The following GLIS1 variants were observed in gnomAD, a reference collection of about 807,000 sequenced individuals.
The protein encoded by GLIS1 is zinc finger protein GLIS1.
A neutral mutation model predicts 63.8 loss-of-function variants in GLIS1; 24 were observed. That is an observed-to-expected ratio of 0.38 (90% confidence interval 0.27 to 0.53). GLIS1 has a LOEUF of 0.53. Among genes scored for constraint, GLIS1 ranks in the 20% least tolerant of loss-of-function variants. The pLI, the probability that GLIS1 is intolerant of heterozygous loss-of-function variation, is 0.85. For missense variants in GLIS1, 1,036 were observed against 1,074.1 expected, an observed-to-expected ratio of 0.96 and a Z score of 0.50; for synonymous variants, 450 against 482.5, an observed-to-expected ratio of 0.93 and a Z score of 0.88.
chr1:53,693,970 G>A (rs1229806944), intron 2 of GLIS1, among the ~76,000 whole-genome samples: 1 of 152,238 alleles, frequency 6.6e-6, no homozygotes, highest in African/African-American at 2.4e-5. Context: ...CTGAGCGCCT[G>A]CCTGGGCCAG....
intron 2 of GLIS1, among the ~76,000 whole-genome samples, chr1:53,705,065 G>T (rs1249308350): frequency 2.0e-5 from 3 of 152,196 alleles, no homozygotes; most frequent in Non-Finnish European, 4.4e-5. Context: ...AAAGAGTGAA[G>T]GAGGCATTTT....
At chr1:53,715,074 GT>G (rs1280435294) in intron 2 of GLIS1, among the ~76,000 whole-genome samples, 1 of 152,094 alleles carries the variant, frequency 6.6e-6, no homozygotes, top group Non-Finnish European at 1.5e-5. Context: ...ATGCCACCAG[GT>G]TCACTTAGTT....
chr1:53,705,264 G>A (rs1007425027), intron 2 of GLIS1, among the ~76,000 whole-genome samples: 3 of 152,126 alleles, frequency 2.0e-5, no homozygotes, highest in African/African-American at 4.8e-5. Context: ...ACCTCCTGGC[G>A]AGCGGCAGAT....
At chr1:53,723,748 C>T (rs1352480524) in intron 2 of GLIS1, among the ~76,000 whole-genome samples, 1 of 151,976 alleles carries the variant, frequency 6.6e-6, no homozygotes, top group Non-Finnish European at 1.5e-5. Flanking sequence ...ATAGTACTCA[C>T]GTGAGTGGGA....
chr1:53,514,615 G>C lies in GLIS1; in HGVS notation c.1883+10C>G. ...TTGCCCCTGGAGGAGGACTGGCCTG[G>C]TGTACATACCCATCCCGGGTGCTCT... On this transcript the variant is annotated intron_variant, in intron 8 of 10. Transcript: ENST00000628545. The C allele has an allele frequency of 6.2e-7, 1 of 1,612,120 alleles. No individual in the cohort carries two copies. Among genetic ancestry groups the C allele is most frequent in the Non-Finnish European group, 8.5e-7 (1 of 1,179,220 alleles).
At chr1:53,684,145 T>A (rs1470226546) in intron 2 of GLIS1, among the ~76,000 whole-genome samples, 1 of 152,052 alleles carries the variant, frequency 6.6e-6, no homozygotes, top group Non-Finnish European at 1.5e-5. Context: ...GGGGTGTCCA[T>A]GTCTCCCTCA....
chr1:53,558,958 A>G (rs1250590723), intron 4 of GLIS1, among the ~76,000 whole-genome samples: 1 of 152,212 alleles, frequency 6.6e-6, no homozygotes, highest in Non-Finnish European at 1.5e-5. Context: ...AGGTTAAAAC[A>G]TCTGGAAGGC....
chr1:53,522,991 T>C (rs1286864177), intron 6 of GLIS1, among the ~76,000 whole-genome samples: 1 of 52,484 alleles, frequency 1.9e-5, no homozygotes, highest in Non-Finnish European at 3.8e-5. Flanking sequence ...TCTTTCTTTT[T>C]TTTTTTTTTT....
chr1:53,669,776 T>C (rs1646132305), intron 2 of GLIS1, among the ~76,000 whole-genome samples: 1 of 152,154 alleles, frequency 6.6e-6, no homozygotes, highest in African/African-American at 2.4e-5. Context: ...AGAGGACAGG[T>C]CCAACCCTTT....
At chr1:53,647,736 T>C (rs1187178653) in intron 2 of GLIS1, among the ~76,000 whole-genome samples, 1 of 152,100 alleles carries the variant, frequency 6.6e-6, no homozygotes, top group Non-Finnish European at 1.5e-5. Flanking sequence ...ATGAATAAAC[T>C]AGATTATTTT....
At chr1:53,603,368 G>C (rs960186552) in intron 2 of GLIS1, among the ~76,000 whole-genome samples, 4 of 152,162 alleles carry the variant, frequency 2.6e-5, no homozygotes, top group African/African-American at 9.7e-5. Flanking sequence ...TGGCATAGTC[G>C]TGGCCCAAAG....
chr1:53,621,786 T>A (rs3006902), intron 2 of GLIS1, among the ~76,000 whole-genome samples: 1 of 152,206 alleles, frequency 6.6e-6, no homozygotes, highest in Admixed American at 6.5e-5. Flanking sequence ...TCATTTGATT[T>A]GGTCATCAGA....
rs957879297 is a variant in GLIS1, at chr1:53,509,231, G to A, written c.2119C>T (p.Arg707Trp). 5.6e-6 allele frequency: 9 copies of A among 1,595,354 alleles called. No homozygotes were observed. The highest frequency in any genetic ancestry group is 2.7e-5 in the African/African-American group (2 of 74,636). The change falls in exon 10 of 11, where the codon CGG (arginine) becomes TGG (tryptophan). Residue 707 changes from arginine to tryptophan, a missense_variant. By Grantham distance (101) the Arg-to-Trp change is moderately radical. Around this residue, in one of 3 missense-constraint regions of GLIS1, gnomAD observed 400 missense variants for 400.9 expected, o/e 1.00. Coordinates refer to ENST00000628545, the MANE Select transcript of GLIS1 (RefSeq NM_001367484.1). ...CCACCGGCTGCTGGTTCAGCCATCCGGTAGCAGTCGCCATAGGGGAAGCAA... is the reference window on the plus strand; with the variant it reads ...CCACCGGCTGCTGGTTCAGCCATCCAGTAGCAGTCGCCATAGGGGAAGCAA... Reference protein sequence around the residue: ...QSCFPYGDCYRMAEPAAGGDG... With the variant: ...QSCFPYGDCYWMAEPAAGGDG...
At chr1:53,705,484 C>A (rs1282396991) in intron 2 of GLIS1, among the ~76,000 whole-genome samples, 4 of 152,156 alleles carry the variant, frequency 2.6e-5, no homozygotes, top group African/African-American at 9.7e-5. Flanking sequence ...GGAATCTTTC[C>A]TTCTCTCTTC....
At position 53,574,328 on chromosome 1, in the gene GLIS1, C is replaced by T. The variant is rs1486006428; in HGVS notation, c.1320+19780G>A. Among the ~76,000 whole-genome samples the T allele has an allele frequency of 1.3e-5, 2 of 152,200 alleles. No individual in the cohort carries two copies. Among genetic ancestry groups the T allele is most frequent in the African/African-American group, 4.8e-5 (2 of 41,450 alleles). On this transcript the variant is annotated intron_variant, in intron 4 of 10. Coordinates refer to ENST00000628545, the MANE Select transcript of GLIS1 (RefSeq NM_001367484.1). The surrounding 1 kb of genome is among the most constrained non-coding windows in gnomAD (Gnocchi z 4.2). ...CCCAGAATATGCACCGCTCTGTACC[C>T]AGAACATGCACATGGCCTGGCATAT...
rs1463833445 is a variant in GLIS1, at chr1:53,639,969, T to C, written c.260-39691A>G. The stretch of plus-strand genomic sequence containing the variant: ...TTCCACAGAAACAGGGATACTACAC[T>C]TAACAAACACGAGCATGGTGAGATT... On this transcript the variant is annotated intron_variant, in intron 2 of 10. Transcript: ENST00000628545. This position sits in a 1 kb window ranked among gnomAD's most constrained non-coding sequence, Gnocchi z 4.6. Among the ~76,000 whole-genome samples, 1 of 152,228 alleles carries C rather than the reference T, an allele frequency of 6.6e-6. No homozygotes were observed. Among genetic ancestry groups the C allele is most frequent in the Non-Finnish European group, 1.5e-5 (1 of 68,034 alleles).
At chr1:53,528,236 C>A (rs72675173) in intron 5 of GLIS1, among the ~76,000 whole-genome samples, 1 of 152,222 alleles carries the variant, frequency 6.6e-6, no homozygotes, top group African/African-American at 2.4e-5. Context: ...GACAATGAAG[C>A]TGAGAAGGGG....
At chr1:53,507,022 C>T (rs572353501) in intron 10 of GLIS1, among the ~76,000 whole-genome samples, 7 of 152,156 alleles carry the variant, frequency 4.6e-5, no homozygotes, top group East Asian at 3.9e-4. Flanking sequence ...GAGACAGGCA[C>T]GGGGTTGACT....
At chr1:53,687,752 C>T (rs904604789) in intron 2 of GLIS1, among the ~76,000 whole-genome samples, 8 of 152,154 alleles carry the variant, frequency 5.3e-5, no homozygotes, top group African/African-American at 1.4e-4. Flanking sequence ...TTCTGGTTAA[C>T]GGGGGTTCCA....
Sources: allele counts gnomAD v4.1 joint callset (sites outside exome capture counted in the v4.1 genomes callset), GRCh38; gene constraint gnomAD v4.1.1; regional missense constraint gnomAD v4.1.1; non-coding constraint Gnocchi (gnomAD v3.1); transcripts MANE v1.5; gene names NCBI Gene and HGNC (gene_info 2026-07-23, HGNC 2026-07-21).